Variants in HNF4A observed in about 807,000 individuals in gnomAD.
The protein encoded by HNF4A is hepatocyte nuclear factor 4 alpha.
Under a neutral mutation model 52.4 loss-of-function variants are expected in HNF4A, and 15 were observed. That is an observed-to-expected ratio of 0.29 (90% CI 0.19 to 0.44). The LOEUF is 0.44. Ranked by LOEUF, HNF4A falls within the 20% of genes least tolerant of loss-of-function variation. The probability of loss-of-function intolerance (pLI) is 1.00; values close to 1 mark genes in which losing one functional copy is unlikely to be tolerated. For synonymous variants in HNF4A, 280 were observed against 264.4 expected (o/e 1.06, Z -0.57); for missense variants, 479 against 647.2 (o/e 0.74, Z 2.82).
intron 2 of HNF4A, among the ~76,000 whole-genome samples, 179 bp from the exon 3 acceptor site, chr20:44,407,202 T>C (rs2063513383): frequency 6.6e-6 from 1 of 152,162 alleles, no homozygotes; most frequent in Admixed American, 6.5e-5. Flanking sequence ...AGGACAGGAC[T>C]GGGCTCTTAG....
chr20:44,375,836 A>G (rs1301116287), intron 1 of HNF4A, among the ~76,000 whole-genome samples: 3 of 152,244 alleles, frequency 2.0e-5, no homozygotes, highest in East Asian at 1.9e-4. Context: ...TGCAGTGTAT[A>G]GGGCCCTGAA....
chr20:44,384,967 A>G (rs1179149705), intron 1 of HNF4A, among the ~76,000 whole-genome samples: 1 of 150,296 alleles, frequency 6.7e-6, no homozygotes, highest in African/African-American at 2.5e-5. Flanking sequence ...TGATGAGCAG[A>G]CACACCTCTC....
downstream of HNF4A, chr20:44,434,518 CG>C (rs67424811): frequency 0.17 from 12,337 of 73,486 alleles, 835 homozygotes; most frequent in African/African-American, 0.26. Context: ...GGGACAAGCG[CG>C]GGGGGGGGGG....
intron 1 of HNF4A, among the ~76,000 whole-genome samples, chr20:44,392,639 C>T (rs954258135): frequency 1.3e-5 from 2 of 152,188 alleles, no homozygotes; most frequent in South Asian, 2.1e-4. Context: ...CCACCATGTT[C>T]GGCCAACATC....
downstream of HNF4A, chr20:44,434,518 C>CGGG (rs67424811): frequency 1.5e-4 from 11 of 73,944 alleles, no homozygotes; most frequent in African/African-American, 4.7e-4. Flanking sequence ...GGGACAAGCG[C>CGGG]GGGGGGGGGG....
chr20:44,391,167 G>T (rs58076004), intron 1 of HNF4A, among the ~76,000 whole-genome samples: 290 of 152,180 alleles, frequency 1.9e-3, no homozygotes, highest in African/African-American at 6.7e-3. Flanking sequence ...CCCAGAGCTT[G>T]TCTCATCGGC....
Position 44,424,250 on chromosome 20 carries a change from G to C in HNF4A, c.1125G>C (p.Leu375=). ...ACAACCTGTTGCAGGAGATGCTGCT[G>C]GGAGGTCCGTGCCAAGCCCAGGAGG... The change falls in exon 8 of 10, where the codon CTG becomes CTC. Residue 375 remains leucine (L), a synonymous_variant. Transcript: ENST00000316099. The C allele has an allele frequency of 6.2e-7, 1 of 1,613,904 alleles. No homozygotes were observed. The highest frequency in any genetic ancestry group is 8.5e-7 in the Non-Finnish European group (1 of 1,179,968).
intron 1 of HNF4A, among the ~76,000 whole-genome samples, chr20:44,359,284 T>C (rs1007344738): frequency 2.0e-5 from 3 of 152,222 alleles, no homozygotes; most frequent in Non-Finnish European, 4.4e-5. Context: ...TTGGTCCTTG[T>C]ATTTGCCCCA....
At position 44,355,814 on chromosome 20, in the gene HNF4A, G is replaced by A. The variant is rs746433493; in HGVS notation, c.10G>A (p.Val4Met). The A allele has an allele frequency of 1.9e-6, 3 of 1,613,778 alleles. No individual in the cohort carries two copies. The highest frequency in any genetic ancestry group is 8.5e-7 in the Non-Finnish European group (1 of 1,179,924). Residue 4 changes from valine (V) to methionine (M), a missense_variant, in exon 1 of 10, where the codon GTG (valine) becomes ATG (methionine). Val to Met is a conservative substitution (Grantham distance 21). Transcript: ENST00000316673. ...CTGGGTGGGCTTGGCCATGGTCAGC[G>A]TGAACGCGCCCCTCGGGGCTCCAGT...
At chr20:44,395,810 T>C (rs1383206825) in intron 1 of HNF4A, 1 of 152,276 alleles carries the variant, frequency 6.6e-6, no homozygotes, top group Non-Finnish European at 1.5e-5. Context: ...ACGACTTTTG[T>C]TCTTTGTCTT....
At chr20:44,404,471 CGTGTGT>C (rs372901574) in intron 1 of HNF4A, among the ~76,000 whole-genome samples, 1 of 151,254 alleles carries the variant, frequency 6.6e-6, no homozygotes, top group East Asian at 1.9e-4. Flanking sequence ...TATGAATACA[CGTGTGT>C]GTGTGTGTGT....
chr20:44,406,084 C>T lies in HNF4A; in HGVS notation c.142C>T (p.Leu48Phe), dbSNP rs753285226. Residue 48 changes from leucine (L) to phenylalanine (F), a missense_variant, in exon 2 of 10, where the codon CTC becomes TTC. Leu to Phe is a conservative substitution (Grantham distance 22, BLOSUM62 0). Coordinates refer to ENST00000316099, the MANE Select transcript of HNF4A (RefSeq NM_000457.6). ...CACGTCCCCATCAGAAGGCACCAAC[C>T]TCAACGCGCCCAACAGCCTGGGTGT... The T allele has an allele frequency of 6.2e-7, 1 of 1,612,938 alleles. No individual in the cohort carries two copies. Among genetic ancestry groups the T allele is most frequent in the Non-Finnish European group, 8.5e-7 (1 of 1,180,026 alleles).
At chr20:44,405,012 G>T (rs142035214) in intron 1 of HNF4A, among the ~76,000 whole-genome samples, 141 of 81,150 alleles carry the variant, frequency 1.7e-3, no homozygotes, top group African/African-American at 6.8e-3. Context: ...TGGTGTGTGC[G>T]TGTGTGTGGA....
In HNF4A at chr20:44,431,025, AC is replaced by A. The variant is rs2063871980; in HGVS notation, c.*1363del. 7.7e-6 allele frequency: 1 copy of A among 129,626 alleles called. No individual in the cohort carries two copies. Among genetic ancestry groups the A allele is most frequent in the Non-Finnish European group, 1.6e-5 (1 of 62,118 alleles). 8.0% of individuals were successfully genotyped at this position (129,626 alleles called of 1,614,324 possible). On this transcript the variant is annotated 3_prime_UTR_variant, in exon 10 of 10. Coordinates refer to ENST00000316099, the MANE Select transcript of HNF4A (RefSeq NM_000457.6). ...ATTCTCCTCCTCCCTCCCCGCCCTC[AC>A]CCGCCCCACTCCCTCCTAACCTAGA... is the stretch of plus-strand genomic sequence containing the variant.
intron 1 of HNF4A, among the ~76,000 whole-genome samples, chr20:44,358,090 A>G (rs2062876992): frequency 1.4e-5 from 2 of 147,980 alleles, no homozygotes; most frequent in Non-Finnish European, 3.0e-5. Context: ...GATATTTTTG[A>G]TAAAATACAC....
At chr20:44,377,335 C>T (rs186890057) in intron 1 of HNF4A, among the ~76,000 whole-genome samples, 53 of 152,266 alleles carry the variant, frequency 3.5e-4, no homozygotes, top group African/African-American at 1.2e-3. Flanking sequence ...TATTGGGTAC[C>T]ATGCTCATTA....
At chr20:44,413,425 C>T (rs2063614756) in intron 3 of HNF4A, among the ~76,000 whole-genome samples, 2 of 152,174 alleles carry the variant, frequency 1.3e-5, no homozygotes, top group Admixed American at 6.5e-5. Context: ...CAATTTTAAA[C>T]CCATAGCCGA....
At chr20:44,405,236 T>G (rs2063484134) in intron 1 of HNF4A, among the ~76,000 whole-genome samples, 1 of 152,106 alleles carries the variant, frequency 6.6e-6, no homozygotes, top group Non-Finnish European at 1.5e-5. Context: ...ATAAAGGGGG[T>G]TCAGCTGCTG....
At chr20:44,428,287 G>A in intron 8 of HNF4A, 48 bp from the exon 9 acceptor site, 1 of 1,605,960 alleles carries the variant, frequency 6.2e-7, no homozygotes, top group Admixed American at 1.7e-5. Flanking sequence ...CAAGGCCTGA[G>A]GTCTGCATCC....
Sources: allele counts gnomAD v4.1 joint callset (sites outside exome capture counted in the v4.1 genomes callset), GRCh38; gene constraint gnomAD v4.1.1; transcripts MANE v1.5; gene names NCBI Gene and HGNC (gene_info 2026-07-23, HGNC 2026-07-21).